The following CCDC7 variants were observed in gnomAD, a reference collection of about 807,000 sequenced individuals.
CCDC7 encodes the protein coiled-coil domain containing 7.
A neutral mutation model predicts 196.9 loss-of-function variants in CCDC7; 183 were observed. The ratio of observed to expected loss-of-function variants is 0.93; its 90% confidence interval spans 0.82 to 1.05. CCDC7 has a LOEUF of 1.05. Ranked by LOEUF, CCDC7 falls within the 50% of genes least tolerant of loss-of-function variation. The pLI, the probability that CCDC7 is intolerant of heterozygous loss-of-function variation, is 0.00. For missense variants in CCDC7, 1,540 were observed against 1,482.2 expected (o/e 1.04, Z -0.64); for synonymous variants, 525 against 484.6 (o/e 1.08, Z -1.10).
exon 1 of CCDC7, chr10:32,451,815 C>T (rs772155435): frequency 6.2e-7 from 1 of 1,614,192 alleles, no homozygotes; most frequent in Non-Finnish European, 8.5e-7. Context: ...TCTCCACCAA[C>T]AGGAGAATCC....
chr10:32,467,556 T>C (rs1450283630), intron 5 of CCDC7, among the ~76,000 whole-genome samples: 1 of 152,220 alleles, frequency 6.6e-6, no homozygotes, highest in African/African-American at 2.4e-5. Flanking sequence ...ACTCTGTTGG[T>C]AGTTTTTTTT....
At chr10:32,449,872 T>C (rs1191033302), upstream of CCDC7, among the ~76,000 whole-genome samples, 2 of 152,208 alleles carry the variant, frequency 1.3e-5, no homozygotes, top group African/African-American at 4.8e-5. Flanking sequence ...TTCCATCATG[T>C]GAGGACACAG....
chr10:32,701,145 G>A (rs1372271859), intron 24 of CCDC7, among the ~76,000 whole-genome samples: 1 of 152,154 alleles, frequency 6.6e-6, no homozygotes, highest in Non-Finnish European at 1.5e-5. Context: ...GTTTTCAAAG[G>A]GAATGCGTCC....
At chr10:32,794,994 T>A (rs1251473591) in intron 29 of CCDC7, among the ~76,000 whole-genome samples, 5 of 152,084 alleles carry the variant, frequency 3.3e-5, no homozygotes, top group Non-Finnish European at 7.4e-5. Flanking sequence ...CCATGTAGGG[T>A]TCCCAGATTT....
intron 7 of CCDC7, among the ~76,000 whole-genome samples, chr10:32,473,570 A>G (rs942678422): frequency 6.6e-6 from 1 of 152,154 alleles, no homozygotes; most frequent in Non-Finnish European, 1.5e-5. Context: ...AAGGGAAGTT[A>G]TTATACCTTA....
In CCDC7 at chr10:32,493,024, C is replaced by T. The variant is rs151258510; in HGVS notation, c.872+1027C>T. ...TTTATATGTACATACCTTGTGGAAT[C>T]GCTAAATCAAGCTATGTAACAGACC... On this transcript the variant is annotated intron_variant, in intron 9 of 41. Coordinates refer to ENST00000639629, the Ensembl canonical transcript of CCDC7. Among the ~76,000 whole-genome samples the T allele has an allele frequency of 1.3e-4, 19 of 151,856 alleles. No homozygotes were observed. The East Asian group carries it at 2.7e-3, about 22-fold the overall frequency.
chr10:32,743,338 C>T (rs966124367), intron 28 of CCDC7, among the ~76,000 whole-genome samples: 1 of 152,096 alleles, frequency 6.6e-6, no homozygotes, highest in Middle Eastern at 3.2e-3. Context: ...CAAAAATGTT[C>T]TCCCATTCTG....
chr10:32,662,598 A>G (rs1481101309), intron 20 of CCDC7, among the ~76,000 whole-genome samples: 1 of 152,156 alleles, frequency 6.6e-6, no homozygotes, highest in African/African-American at 2.4e-5. Context: ...ATTGTTGAGC[A>G]ACTAGAGCCA....
chr10:32,640,199 G>A (rs183207391), intron 20 of CCDC7, among the ~76,000 whole-genome samples: 1,636 of 152,100 alleles, frequency 0.011, 15 homozygotes, highest in Non-Finnish European at 0.016. Context: ...GGTCTCTAAG[G>A]ACTTGCTTTA....
At chr10:32,557,527 TA>T (rs1313715189) in intron 13 of CCDC7, among the ~76,000 whole-genome samples, 4 of 152,026 alleles carry the variant, frequency 2.6e-5, no homozygotes, top group Non-Finnish European at 4.4e-5. Flanking sequence ...ATCTGTTAGT[TA>T]AAAAAAATCT....
intron 19 of CCDC7, 83 bp downstream of exon 20, chr10:32,634,447 A>G: frequency 1.9e-6 from 1 of 521,768 alleles, no homozygotes; most frequent in Non-Finnish European, 2.8e-6. Context: ...CCCAGGCTGG[A>G]GTGCAGTGGC....
rs1457937582 is a variant in CCDC7 at position 32,517,937 on chromosome 10, T to G, written c.873-8T>G. On this transcript the variant is annotated splice_region_variant and splice_polypyrimidine_tract_variant and intron_variant, in intron 9 of 41. Coordinates refer to ENST00000639629, the Ensembl canonical transcript of CCDC7. ...TTATAAACACACTTTTTTTGGTTTA[T>G]TTTTCAGAGCTGTAAATGATCAAGT... The G allele has an allele frequency of 3.8e-6, 6 of 1,590,576 alleles. No homozygotes were observed. Among genetic ancestry groups the G allele is most frequent in the Non-Finnish European group, 5.1e-6 (6 of 1,170,486 alleles).
chr10:32,752,001 A>G (rs536482393), intron 28 of CCDC7, among the ~76,000 whole-genome samples: 1 of 152,292 alleles, frequency 6.6e-6, no homozygotes, highest in South Asian at 2.1e-4. Flanking sequence ...TCCATCTGCA[A>G]CCAGATGTTT....
At chr10:32,606,411 G>C (rs75571606) in intron 18 of CCDC7, among the ~76,000 whole-genome samples, 4,539 of 152,286 alleles carry the variant, frequency 0.03, 107 homozygotes, top group Admixed American at 0.056. Context: ...TTATGGGAAG[G>C]GGCACTGTCC....
chr10:32,589,512 A>G (rs1359440253), intron 18 of CCDC7, among the ~76,000 whole-genome samples: 1 of 152,130 alleles, frequency 6.6e-6, no homozygotes, highest in Non-Finnish European at 1.5e-5. Context: ...CCGTGTGCTG[A>G]GGAGAAAAAT....
At chr10:32,781,524 A>G (rs2081058167) in intron 29 of CCDC7, among the ~76,000 whole-genome samples, 1 of 152,212 alleles carries the variant, frequency 6.6e-6, no homozygotes, top group South Asian at 2.1e-4. Context: ...GTGATATACC[A>G]TGTTAGCATA....
chr10:32,594,850 G>A lies in CCDC7; in HGVS notation c.1801+10546G>A, dbSNP rs965874888. Among the ~76,000 whole-genome samples, 10 of 152,244 alleles carry A rather than the reference G, an allele frequency of 6.6e-5. No homozygotes were observed. The East Asian group carries it at 7.7e-4, about 12-fold the overall frequency. On this transcript the variant is annotated intron_variant, in intron 18 of 41. Coordinates refer to ENST00000639629, the Ensembl canonical transcript of CCDC7. ...TGGTTCTGTTTATATGATGGATTAC[G>A]TTTATTGATTTGTGTATGTTGAACC...
At chr10:32,511,710 G>C in intron 9 of CCDC7, 1 of 1,580,794 alleles carries the variant, frequency 6.3e-7, no homozygotes. Context: ...ATTTCTACTG[G>C]ATAGTCTTCA....
At chr10:32,450,772 C>T (rs1451254176), upstream of CCDC7, among the ~76,000 whole-genome samples, 2 of 152,098 alleles carry the variant, frequency 1.3e-5, no homozygotes, top group Non-Finnish European at 2.9e-5. Flanking sequence ...ATATTAAGGA[C>T]ATATATTAGC....
Sources: allele counts gnomAD v4.1 joint callset (sites outside exome capture counted in the v4.1 genomes callset), GRCh38; gene constraint gnomAD v4.1.1; transcripts MANE v1.5; gene names NCBI Gene and HGNC (gene_info 2026-07-23, HGNC 2026-07-21).